Variants in AGBL4 observed in about 807,000 individuals in gnomAD.
The protein encoded by AGBL4 is cytosolic carboxypeptidase 6.
A neutral mutation model predicts 66.4 loss-of-function variants in AGBL4; 58 were observed. That is an observed-to-expected ratio of 0.87 (90% CI 0.71 to 1.09). The LOEUF (loss-of-function observed/expected upper bound fraction) is 1.09. Ranked by LOEUF, AGBL4 falls within the 50% of genes least tolerant of loss-of-function variation. The pLI is 0.00. For missense variants in AGBL4, 579 were observed against 631.0 expected, an observed-to-expected ratio of 0.92 and a Z score of 0.88; for synonymous variants, 234 against 222.9, an observed-to-expected ratio of 1.05 and a Z score of -0.44.
chr1:48,539,520 GGAT>G, intron 12 of AGBL4, 119 bp downstream of exon 12: 2 of 725,272 alleles, frequency 2.8e-6, no homozygotes, highest in Admixed American at 3.8e-5. Flanking sequence ...GGCAGGGCCA[GGAT>G]TATCTTTCCT....
intron 6 of AGBL4, among the ~76,000 whole-genome samples, chr1:48,689,219 A>AAAGAAAAGAAAAGAAAAGAAAAGAAAAG (rs1408835534): frequency 2.3e-4 from 33 of 141,560 alleles, no homozygotes; most frequent in African/African-American, 9.6e-4. Context: ...AAAAAAAAAA[A>AAAGAAAAGAAAAGAAAAGAAAAGAAAAG]AAAAGAAAAG....
At chr1:49,564,734 G>T (rs1262382838) in intron 3 of AGBL4, among the ~76,000 whole-genome samples, 3 of 152,164 alleles carry the variant, frequency 2.0e-5, no homozygotes, top group Non-Finnish European at 2.9e-5. Flanking sequence ...CAACTATGTG[G>T]TCAATTTTGG....
rs1368828503 is a variant in AGBL4, at chr1:49,405,710, G to A, written c.283-159846C>T. On this transcript the variant is annotated intron_variant, in intron 3 of 13. Coordinates refer to ENST00000371839, the MANE Select transcript of AGBL4 (RefSeq NM_032785.4). ...CTAAAACTTGCCAAAATTCAAATGTGAGTGACAGATTTTGGCCTCAGATCT... is the reference window on the plus strand; with the variant it reads ...CTAAAACTTGCCAAAATTCAAATGTAAGTGACAGATTTTGGCCTCAGATCT... Among the ~76,000 whole-genome samples the A allele has an allele frequency of 2.6e-5, 4 of 152,202 alleles. No homozygotes were observed. The South Asian group carries it at 6.2e-4, about 24-fold the overall frequency.
intron 1 of AGBL4, among the ~76,000 whole-genome samples, chr1:49,913,422 C>T (rs1447390943): frequency 6.6e-6 from 1 of 152,260 alleles, no homozygotes; most frequent in Admixed American, 6.5e-5. Context: ...TGACTACATG[C>T]CCCACATCCA....
chr1:49,203,088 C>CAAAAAAAAAAAAAAA (rs139732827), intron 4 of AGBL4, among the ~76,000 whole-genome samples: 1 of 135,904 alleles, frequency 7.4e-6, no homozygotes, highest in Non-Finnish European at 1.6e-5. Flanking sequence ...TGGCTACTAT[C>CAAAAAAAAAAAAAAA]AAAAAAAAAA....
intron 3 of AGBL4, among the ~76,000 whole-genome samples, chr1:49,501,290 C>T (rs543491085): frequency 6.6e-6 from 1 of 152,096 alleles, no homozygotes; most frequent in African/African-American, 2.4e-5. Flanking sequence ...CTGGTATGTT[C>T]CTGAAAGAAT....
At chr1:49,038,704 T>C (rs1664863526) in intron 5 of AGBL4, among the ~76,000 whole-genome samples, 1 of 152,050 alleles carries the variant, frequency 6.6e-6, no homozygotes, top group African/African-American at 2.4e-5. Context: ...CAACACTACA[T>C]GCTGGCAAGG....
At chr1:49,973,439 G>A (rs1269174618) in intron 1 of AGBL4, among the ~76,000 whole-genome samples, 1 of 151,964 alleles carries the variant, frequency 6.6e-6, no homozygotes, top group African/African-American at 2.4e-5. Flanking sequence ...ATGTTAAATA[G>A]TTCAGATATA....
chr1:49,174,215 T>C (rs568892449), intron 4 of AGBL4, among the ~76,000 whole-genome samples: 8 of 152,276 alleles, frequency 5.3e-5, no homozygotes, highest in South Asian at 2.1e-4. Flanking sequence ...CTGATGAGAC[T>C]AATCCAGTAA....
At chr1:49,975,854 A>G (rs889381207) in intron 1 of AGBL4, among the ~76,000 whole-genome samples, 3 of 152,200 alleles carry the variant, frequency 2.0e-5, no homozygotes, top group African/African-American at 7.2e-5. Context: ...TACTACTACT[A>G]AGACCATTAT....
chr1:49,676,773 C>T (rs1646586682), intron 3 of AGBL4, among the ~76,000 whole-genome samples: 1 of 151,974 alleles, frequency 6.6e-6, no homozygotes, highest in African/African-American at 2.4e-5. Flanking sequence ...TATTATTAGT[C>T]ACATTTTGTA....
At chr1:48,778,170 T>TCCAC (rs1361191635) in intron 6 of AGBL4, among the ~76,000 whole-genome samples, 2 of 151,942 alleles carry the variant, frequency 1.3e-5, no homozygotes, top group African/African-American at 2.4e-5. Flanking sequence ...CATCCATCCA[T>TCCAC]CCATCCATCC....
intron 3 of AGBL4, among the ~76,000 whole-genome samples, chr1:49,350,788 A>G (rs1019666453): frequency 6.7e-6 from 1 of 149,920 alleles, no homozygotes; most frequent in Admixed American, 6.6e-5. Context: ...CCCAGAGTCC[A>G]TTATATCATT....
intron 3 of AGBL4, among the ~76,000 whole-genome samples, chr1:49,396,833 A>C (rs1644984288): frequency 3.3e-5 from 5 of 152,112 alleles, no homozygotes; most frequent in Admixed American, 3.3e-4. Context: ...GGCTTCAATA[A>C]ATAGTTGCTG....
At chr1:49,173,256 TTGTTTA>T (rs1378579580) in intron 4 of AGBL4, among the ~76,000 whole-genome samples, 27 of 152,364 alleles carry the variant, frequency 1.8e-4, no homozygotes, top group African/African-American at 6.0e-4. Context: ...GCTAGTTGTT[TTGTTTA>T]TATTTGTTCA....
rs574024044 is a variant in AGBL4 at position 49,161,171 on chromosome 1, C to T, written c.377+84599G>A. ...CCCAGTTTTGTCCTTGAAACCAGGGCGCCTACTCTGTAGGCACTGGAGGGA... is the reference window on the plus strand; with the variant it reads ...CCCAGTTTTGTCCTTGAAACCAGGGTGCCTACTCTGTAGGCACTGGAGGGA... On this transcript the variant is annotated intron_variant, in intron 4 of 13. Transcript: ENST00000371839. Among the ~76,000 whole-genome samples, 8 of 152,260 alleles carry T rather than the reference C, an allele frequency of 5.3e-5. No homozygotes were observed. In the South Asian group the frequency reaches 1.0e-3, roughly 20 times the overall value.
chr1:49,678,480 T>C (rs1044698547), intron 3 of AGBL4, among the ~76,000 whole-genome samples: 1 of 152,162 alleles, frequency 6.6e-6, no homozygotes, highest in East Asian at 1.9e-4. Flanking sequence ...GATTATTATT[T>C]CTTGCCCTCA....
At chr1:49,413,134 C>A (rs1339264632) in intron 3 of AGBL4, among the ~76,000 whole-genome samples, 5 of 152,152 alleles carry the variant, frequency 3.3e-5, no homozygotes, top group African/African-American at 1.2e-4. Flanking sequence ...TGGTAGTGTC[C>A]TTTACTGTCT....
intron 3 of AGBL4, among the ~76,000 whole-genome samples, chr1:49,555,407 C>T (rs1421980609): frequency 1.3e-5 from 2 of 150,006 alleles, no homozygotes; most frequent in South Asian, 4.3e-4. Context: ...CTCCAAGTCC[C>T]CACTAGATTA....
Sources: gnomAD v4.1 joint callset for allele counts (sites outside exome capture counted in the v4.1 genomes callset) on GRCh38, gnomAD v4.1.1 for gene constraint, MANE v1.5 for transcripts, NCBI Gene and HGNC (gene_info 2026-07-23, HGNC 2026-07-21) for gene names.